Variants in CFAP20DC observed in about 807,000 individuals in gnomAD.
CFAP20DC encodes protein CFAP20DC.
Under a neutral mutation model 101.7 loss-of-function variants are expected in CFAP20DC, and 84 were observed. The observed-to-expected ratio is 0.83, with a 90% confidence interval of 0.69 to 0.99. CFAP20DC has a LOEUF of 0.99. Ranked by LOEUF, CFAP20DC falls within the 50% of genes least tolerant of loss-of-function variation. CFAP20DC has a pLI of 0.00. For synonymous variants in CFAP20DC, 359 were observed against 351.2 expected (o/e 1.02, Z -0.25); for missense variants, 1,007 against 970.3 (o/e 1.04, Z -0.50).
downstream of CFAP20DC, chr3:58,737,325 C>G: frequency 1.8e-5 from 8 of 432,972 alleles, no homozygotes; most frequent in East Asian, 7.2e-5. This position sits in a 1 kb window ranked among gnomAD's most constrained non-coding sequence, Gnocchi z 4.1. Flanking sequence ...CACACACAGA[C>G]ACACACCCAC....
intron 7 of CFAP20DC, among the ~76,000 whole-genome samples, chr3:58,879,693 C>T (rs917604502): frequency 6.6e-6 from 1 of 152,010 alleles, no homozygotes. Flanking sequence ...GTGATAAATG[C>T]TGTGCTGAAA....
chr3:58,995,975 A>AATCTATCTATCTATCTATCTATCT (rs10688272), intron 4 of CFAP20DC, among the ~76,000 whole-genome samples: 43 of 145,272 alleles, frequency 3.0e-4, no homozygotes, highest in South Asian at 7.0e-4. Context: ...CTGTATAATA[A>AATCTATCTATCTATCTATCTATCT]ATCTATCTAT....
intron 4 of CFAP20DC, among the ~76,000 whole-genome samples, chr3:58,951,672 C>T (rs1202070904): frequency 4.6e-5 from 7 of 152,072 alleles, no homozygotes; most frequent in Admixed American, 3.3e-4. Context: ...AAACCAAACA[C>T]CTCATGTTCT....
rs546600652 is a variant in CFAP20DC at position 58,717,912 on chromosome 3, T to C, written c.198-284A>G. ...GAAAATTGGGTAAACTAACCAATGA[T>C]GCCAGTCATGACTGATGTAGGGCTT... On this transcript the variant is annotated intron_variant, in intron 3 of 3. Coordinates refer to the CFAP20DC transcript ENST00000486145. The surrounding 1 kb of genome is among the most constrained non-coding windows in gnomAD (Gnocchi z 4.1). 6.6e-6 allele frequency among the ~76,000 whole-genome samples: 1 copy of C among 152,348 alleles called. No homozygotes were observed. The highest frequency in any genetic ancestry group is 1.9e-4 in the East Asian group (1 of 5,182).
intron 15 of CFAP20DC, among the ~76,000 whole-genome samples, chr3:58,769,603 G>T (rs1420185969): frequency 1.3e-5 from 2 of 152,188 alleles, no homozygotes; most frequent in African/African-American, 4.8e-5. Flanking sequence ...AGGAGAGCAT[G>T]CTCTGAGAGT....
chr3:58,821,619 G>A (rs1264301367), intron 14 of CFAP20DC, among the ~76,000 whole-genome samples: 1 of 149,592 alleles, frequency 6.7e-6, no homozygotes, highest in Non-Finnish European at 1.5e-5. Context: ...CAGTTAGAAT[G>A]GCAATCATTA....
downstream of CFAP20DC, among the ~76,000 whole-genome samples, chr3:58,739,175 C>T (rs2067825521): frequency 6.6e-6 from 1 of 152,060 alleles, no homozygotes; most frequent in Non-Finnish European, 1.5e-5. Context: ...TTGGAGATAG[C>T]AAGAACTTAT....
At chr3:59,039,091 C>A (rs1358448964) in intron 4 of CFAP20DC, among the ~76,000 whole-genome samples, 2 of 151,978 alleles carry the variant, frequency 1.3e-5, no homozygotes, top group Non-Finnish European at 2.9e-5. Context: ...AAACAATCTC[C>A]ATTTAAAACA....
intron 4 of CFAP20DC, among the ~76,000 whole-genome samples, chr3:59,008,498 G>T (rs962954976): frequency 5.3e-5 from 8 of 152,112 alleles, no homozygotes; most frequent in African/African-American, 1.9e-4. Context: ...AGAAAATGTG[G>T]CACATACACA....
intron 6 of CFAP20DC, chr3:58,887,582 C>T (rs543808433): frequency 6.6e-6 from 1 of 152,272 alleles, no homozygotes; most frequent in East Asian, 1.9e-4. Context: ...CTCTAGTAAT[C>T]GTAAATTCCT....
At position 58,949,308 on chromosome 3, in the gene CFAP20DC, T is replaced by G. The variant is rs549301981; in HGVS notation, c.279-11546A>C. Among the ~76,000 whole-genome samples the G allele has an allele frequency of 6.3e-4, 96 of 152,340 alleles. 2 individuals carry two copies. The South Asian group carries it at 0.019, about 31-fold the overall frequency. Reference sequence around the variant, plus strand: ...TTCAGTTCTGCTCTGATCTTAGTTATTTCTTGCCTTCTGCTGGCTTTTGAA... The same window carrying G: ...TTCAGTTCTGCTCTGATCTTAGTTAGTTCTTGCCTTCTGCTGGCTTTTGAA... On this transcript the variant is annotated intron_variant, in intron 4 of 16. Transcript: ENST00000482387.
In CFAP20DC at chr3:58,882,239, T is replaced by G. The variant is rs2081284194; in HGVS notation, c.715+2306A>C. Among the ~76,000 whole-genome samples the G allele has an allele frequency of 1.3e-5, 2 of 152,164 alleles. No homozygotes were observed. Among genetic ancestry groups the G allele is most frequent in the Admixed American group, 1.3e-4 (2 of 15,278 alleles). Reference sequence around the variant, plus strand: ...TGCAAAATATATATTAATATCCTCTTTTATGAGTTGGGTTCAAATATGGCC... The same window carrying G: ...TGCAAAATATATATTAATATCCTCTGTTATGAGTTGGGTTCAAATATGGCC... On this transcript the variant is annotated intron_variant, in intron 7 of 16. Coordinates refer to ENST00000482387, the MANE Select transcript of CFAP20DC (RefSeq NM_001394063.1). The surrounding 1 kb of genome is among the most constrained non-coding windows in gnomAD (Gnocchi z 4.2).
intron 4 of CFAP20DC, among the ~76,000 whole-genome samples, chr3:59,013,347 G>C (rs2093626950): frequency 6.6e-6 from 1 of 152,110 alleles, no homozygotes; most frequent in Non-Finnish European, 1.5e-5. Flanking sequence ...CAACTACTAA[G>C]AGACACATGC....
intron 5 of CFAP20DC, among the ~76,000 whole-genome samples, chr3:58,934,813 G>C (rs1002513122): frequency 2.0e-5 from 3 of 152,110 alleles, no homozygotes; most frequent in African/African-American, 7.2e-5. Flanking sequence ...CACAGCCAAT[G>C]TCATACTGAA....
intron 12 of CFAP20DC, chr3:58,862,750 TAC>T: frequency 6.2e-6 from 6 of 974,144 alleles, no homozygotes; most frequent in Non-Finnish European, 7.3e-6. Flanking sequence ...AAAAGCTTTG[TAC>T]ATTTTCACTA....
intron 14 of CFAP20DC, among the ~76,000 whole-genome samples, chr3:58,816,583 C>T (rs1230875992): frequency 2.6e-5 from 4 of 152,052 alleles, no homozygotes; most frequent in Non-Finnish European, 5.9e-5. Flanking sequence ...CTTTTCAGAC[C>T]GGCTTAAAAA....
At chr3:58,927,808 C>T (rs1415358430) in intron 5 of CFAP20DC, among the ~76,000 whole-genome samples, 5 of 152,154 alleles carry the variant, frequency 3.3e-5, no homozygotes, top group South Asian at 4.1e-4. Flanking sequence ...ATGCTCTCTG[C>T]CACCTTGCTG....
intron 13 of CFAP20DC, among the ~76,000 whole-genome samples, chr3:58,842,290 G>A (rs573690848): frequency 6.6e-5 from 10 of 152,228 alleles, no homozygotes; most frequent in Admixed American, 1.3e-4. Context: ...GACAGTGGGC[G>A]CAGGCCAGTG....
rs746077209 is a variant in CFAP20DC at position 58,937,718 on chromosome 3, G to A, written c.323C>T (p.Thr108Met). Residue 108 changes from threonine to methionine, a missense_variant, in exon 5 of 17, where the codon ACG becomes ATG. Thr to Met is a moderately conservative substitution (Grantham distance 81). Transcript: ENST00000482387. ...GGTGGAGGATAGTTCCTTATGGACC[G>A]TTGATAAATATAATCTTCTTTTGAT... is the stretch of plus-strand genomic sequence containing the variant. ...GNIKRRLYLS[T>M]VHKELSSTPL... is the part of the protein sequence containing the mutation. 9 of 1,611,358 alleles carry A rather than the reference G, an allele frequency of 5.6e-6. No homozygotes were observed. Among genetic ancestry groups the A allele is most frequent in the African/African-American group, 2.7e-5 (2 of 74,844 alleles).
Sources: gnomAD v4.1 joint callset for allele counts (sites outside exome capture counted in the v4.1 genomes callset) on GRCh38, gnomAD v4.1.1 for gene constraint, Gnocchi (gnomAD v3.1) non-coding constraint, MANE v1.5 for transcripts, NCBI Gene and HGNC (gene_info 2026-07-23, HGNC 2026-07-21) for gene names.